Variants in ECT2 observed in about 807,000 individuals in gnomAD.
ECT2 encodes the protein protein ECT2.
A neutral mutation model predicts 116.9 loss-of-function variants in ECT2; 61 were observed. The ratio of observed to expected loss-of-function variants is 0.52; its 90% CI spans 0.42 to 0.65. The LOEUF is 0.65. ECT2 is among the 30% of genes least tolerant of loss of function. The pLI, the probability that ECT2 is intolerant of heterozygous loss-of-function variation, is 0.00. For synonymous variants in ECT2, 358 were observed against 346.4 expected, an observed-to-expected ratio of 1.03 and a Z score of -0.37; for missense variants, 937 against 1,078.7, an observed-to-expected ratio of 0.87 and a Z score of 1.84.
intron 13 of ECT2, among the ~76,000 whole-genome samples, chr3:172,772,349 C>T (rs542430886): frequency 4.7e-4 from 72 of 152,274 alleles, no homozygotes; most frequent in African/African-American, 1.7e-3. Flanking sequence ...CCCGCCACCA[C>T]GCCTGGCTAA....
At chr3:172,828,762 A>G in the ECT2 span, 1 of 613,020 alleles carries the variant, frequency 1.6e-6, no homozygotes, top group South Asian at 1.7e-5. Flanking sequence ...GAAGGTGACC[A>G]TCAAACAGAA....
chr3:172,768,656 T>G (rs1359888244), intron 12 of ECT2, among the ~76,000 whole-genome samples: 36 of 152,176 alleles, frequency 2.4e-4, no homozygotes, highest in Non-Finnish European at 7.4e-5. Context: ...GGAAAAAGTG[T>G]TTTTCTTTTT....
At chr3:172,786,723 G>A in intron 18 of ECT2, 149 bp downstream of exon 18, 1 of 585,964 alleles carries the variant, frequency 1.7e-6, no homozygotes. Context: ...ACATTAAAAT[G>A]AAGTATTGTA....
the ECT2 span, chr3:172,829,181 T>C: frequency 1.5e-5 from 7 of 456,054 alleles, 1 homozygote; most frequent in South Asian, 1.8e-4. Flanking sequence ...ATTTTTTCAG[T>C]CTCCCAGCTT....
chr3:172,784,767 G>A lies in ECT2; in HGVS notation c.1789G>A (p.Val597Ile). 5 of 1,612,462 alleles carry A rather than the reference G, an allele frequency of 3.1e-6. No homozygotes were observed. Among genetic ancestry groups the A allele is most frequent in the Non-Finnish European group, 3.4e-6 (4 of 1,178,758 alleles). The change falls in exon 17 of 25, where the codon GTA becomes ATA. Residue 597 changes from valine (V) to isoleucine (I), a missense_variant. Transcript: ENST00000392692. ...QSLVELLIRP[V>I]QRLPSVALLL... ...CCTTGTTGAACTTCTTATCCGACCA[G>A]TACAGAGGTTACCCAGTGTTGCATT... is the stretch of plus-strand genomic sequence containing the variant.
chr3:172,784,022 T>C (rs1723176618), intron 16 of ECT2, 113 bp downstream of exon 16: 1 of 719,220 alleles, frequency 1.4e-6, no homozygotes, highest in Non-Finnish European at 2.3e-6. Context: ...TCCATTAATA[T>C]CTGTTAATTT....
intron 12 of ECT2, among the ~76,000 whole-genome samples, chr3:172,764,963 C>T: frequency 1.3e-5 from 2 of 152,196 alleles, no homozygotes; most frequent in East Asian, 3.9e-4. Flanking sequence ...TCAGTATTTC[C>T]CTTTCTTTTT....
At position 172,774,146 on chromosome 3, in the gene ECT2, G is replaced by T. The variant is rs112957790; in HGVS notation, c.1548+124G>T. The T allele has an allele frequency of 1.6e-3, 1,318 of 847,094 alleles. 21 individuals carry two copies. In the African/African-American group the frequency reaches 0.021, roughly 13 times the overall value. 52.5% of individuals were successfully genotyped at this position (847,094 alleles called of 1,614,324 possible). ...CCTAAAACTTCTTATTCCCTTATTA[G>T]TTCCTTTGAATCATTTGTCTCTTTG... is the stretch of plus-strand genomic sequence containing the variant. On this transcript the variant is annotated intron_variant, in intron 14 of 24. Coordinates refer to ENST00000392692, the MANE Select transcript of ECT2 (RefSeq NM_001258315.2).
At chr3:172,793,546 C>T (rs1178846648) in intron 18 of ECT2, among the ~76,000 whole-genome samples, 1 of 152,120 alleles carries the variant, frequency 6.6e-6, no homozygotes, top group Non-Finnish European at 1.5e-5. Flanking sequence ...TCACTGCAAC[C>T]TCCACCTCCC....
chr3:172,793,931 GA>G lies in ECT2; in HGVS notation c.1907+7366del, dbSNP rs201833401. On this transcript the variant is annotated intron_variant, in intron 18 of 24. Coordinates refer to ENST00000392692, the MANE Select transcript of ECT2 (RefSeq NM_001258315.2). ...GCCTGTTCAAATCTTTTGTTTATTT[GA>G]AAAAAAAATTGTGTTTTTTTTGTAA... 3.3e-4 allele frequency among the ~76,000 whole-genome samples: 50 copies of G among 149,928 alleles called. 2 individuals carry two copies. The South Asian group carries it at 8.2e-3, about 25-fold the overall frequency.
At chr3:172,810,354 G>A (rs1310029045) in intron 22 of ECT2, among the ~76,000 whole-genome samples, 2 of 152,016 alleles carry the variant, frequency 1.3e-5, no homozygotes, top group South Asian at 2.1e-4. Flanking sequence ...CTTAAGAGTT[G>A]CAATCTTCAT....
intron 13 of ECT2, among the ~76,000 whole-genome samples, chr3:172,770,584 C>G (rs4894596): frequency 6.6e-6 from 1 of 151,956 alleles, no homozygotes. Flanking sequence ...AAGTGATTCT[C>G]CTGCCTCAGC....
In ECT2 at chr3:172,762,718, A is replaced by G. The variant is rs1252935347; in HGVS notation, c.917A>G (p.Glu306Gly). The change falls in exon 10 of 25, where the codon GAA (glutamate) becomes GGA (glycine). Residue 306 changes from glutamate (E) to glycine (G), a missense_variant. Coordinates refer to ENST00000392692, the MANE Select transcript of ECT2 (RefSeq NM_001258315.2). Reference sequence around the variant, plus strand: ...GGTAAATATTTACCGCTTGGAGATGAAAGATGCACTCACCTTGTAGTTGAA... The same window carrying G: ...GGTAAATATTTACCGCTTGGAGATGGAAGATGCACTCACCTTGTAGTTGAA... ...QGGKYLPLGD[E>G]RCTHLVVEEN... 6.2e-7 allele frequency: 1 copy of G among 1,612,212 alleles called. No individual in the cohort carries two copies.
intron 18 of ECT2, among the ~76,000 whole-genome samples, chr3:172,795,069 T>G (rs1041353136): frequency 3.9e-5 from 6 of 152,176 alleles, no homozygotes; most frequent in Non-Finnish European, 5.9e-5. Context: ...TTACTTTTAA[T>G]TTCTTTCAAC....
At chr3:172,762,243 C>G (rs1718447307) in intron 8 of ECT2, among the ~76,000 whole-genome samples, 173 bp from the exon 9 acceptor site, 1 of 152,104 alleles carries the variant, frequency 6.6e-6, no homozygotes, top group African/African-American at 2.4e-5. Context: ...GATGACAGGA[C>G]ACATCATTTT....
the ECT2 span, among the ~76,000 whole-genome samples, chr3:172,827,699 G>T: frequency 6.6e-6 from 1 of 152,194 alleles, no homozygotes; most frequent in African/African-American, 2.4e-5. Context: ...GAAGGAAAAA[G>T]ATGTATTGTT....
intron 24 of ECT2, chr3:172,818,517 T>A: frequency 2.5e-6 from 3 of 1,206,210 alleles, no homozygotes; most frequent in Non-Finnish European, 3.2e-6. Flanking sequence ...ATTAATGTCA[T>A]CTTCTCAATT....
At chr3:172,817,215 G>A (rs1036279369) in intron 24 of ECT2, among the ~76,000 whole-genome samples, 33 of 152,036 alleles carry the variant, frequency 2.2e-4, no homozygotes, top group African/African-American at 7.7e-4. Context: ...GGGGAGAGGA[G>A]TTCTCCCCTA....
At chr3:172,753,723 C>T (rs138705579) in intron 1 of ECT2, among the ~76,000 whole-genome samples, 13 of 152,184 alleles carry the variant, frequency 8.5e-5, no homozygotes, top group Admixed American at 2.0e-4. Flanking sequence ...ATGATTTGTG[C>T]CTGAAAAATA....
Sources: allele counts gnomAD v4.1 joint callset (sites outside exome capture counted in the v4.1 genomes callset), GRCh38; gene constraint gnomAD v4.1.1; transcripts MANE v1.5; gene names NCBI Gene and HGNC (gene_info 2026-07-23, HGNC 2026-07-21).